The following DGKB variants were observed in gnomAD, a reference collection of about 807,000 sequenced individuals.
DGKB encodes diacylglycerol kinase beta.
A neutral mutation model predicts 114.3 loss-of-function variants in DGKB; 67 were observed. The observed-to-expected ratio is 0.59, with a 90% CI of 0.48 to 0.72. DGKB has a LOEUF of 0.72. Among genes scored for constraint, DGKB ranks in the 30% least tolerant of loss-of-function variants. DGKB has a pLI of 0.00. For missense variants in DGKB, 907 were observed against 975.2 expected (o/e 0.93, Z 0.93); for synonymous variants, 398 against 323.1 (o/e 1.23, Z -2.49).
At chr7:14,519,412 A>T (rs995073172) in intron 20 of DGKB, among the ~76,000 whole-genome samples, 5 of 152,088 alleles carry the variant, frequency 3.3e-5, no homozygotes, top group African/African-American at 1.2e-4. Context: ...ATGTTATAGC[A>T]CATAGCAATA....
intron 25 of DGKB, among the ~76,000 whole-genome samples, chr7:14,168,102 G>C (rs996061153): frequency 6.6e-6 from 1 of 152,080 alleles, no homozygotes; most frequent in Non-Finnish European, 1.5e-5. Flanking sequence ...AGCCTGAACT[G>C]AGAAATAGAA....
chr7:14,297,124 G>C (rs1253435226), intron 23 of DGKB, among the ~76,000 whole-genome samples: 1 of 152,028 alleles, frequency 6.6e-6, no homozygotes, highest in Non-Finnish European at 1.5e-5. Context: ...TTCTACCAGA[G>C]GTACAAAGAG....
chr7:14,811,728 T>TTA (rs1388408514), intron 2 of DGKB, among the ~76,000 whole-genome samples: 3 of 152,154 alleles, frequency 2.0e-5, no homozygotes, highest in African/African-American at 7.2e-5. Flanking sequence ...CACTAGAGTT[T>TTA]TAAAAATTGG....
intron 2 of DGKB, among the ~76,000 whole-genome samples, chr7:14,767,193 G>GA (rs1382060755): frequency 6.6e-6 from 1 of 151,182 alleles, no homozygotes; most frequent in Non-Finnish European, 1.5e-5. Context: ...AGTCGAGAGA[G>GA]AAAAAAATAA....
intron 19 of DGKB, among the ~76,000 whole-genome samples, chr7:14,578,238 T>C (rs1799449388): frequency 6.6e-6 from 1 of 152,170 alleles, no homozygotes; most frequent in Non-Finnish European, 1.5e-5. Context: ...CCCCAGCCAT[T>C]TGGAAGTGGG....
intron 1 of DGKB, among the ~76,000 whole-genome samples, 196 bp downstream of exon 1, chr7:14,902,396 C>T (rs368054282): frequency 5.3e-5 from 8 of 152,254 alleles, no homozygotes; most frequent in Non-Finnish European, 8.8e-5. Flanking sequence ...AAGCGGCATC[C>T]GCCTGCAAAT....
At chr7:14,297,458 T>G (rs1169665136) in intron 23 of DGKB, among the ~76,000 whole-genome samples, 1 of 152,096 alleles carries the variant, frequency 6.6e-6, no homozygotes, top group East Asian at 1.9e-4. Flanking sequence ...AAAAACCACA[T>G]GATTATCTCA....
intron 23 of DGKB, among the ~76,000 whole-genome samples, chr7:14,295,384 A>T (rs927097871): frequency 5.9e-5 from 9 of 152,138 alleles, no homozygotes; most frequent in Non-Finnish European, 7.4e-5. Context: ...AAGAATAAAC[A>T]TTGTTTCCTT....
At chr7:14,579,222 T>A (rs1799583535) in intron 19 of DGKB, among the ~76,000 whole-genome samples, 1 of 152,228 alleles carries the variant, frequency 6.6e-6, no homozygotes, top group Non-Finnish European at 1.5e-5. Context: ...CATTTGTTTA[T>A]TTCCTCACTG....
chr7:14,267,596 C>G (rs191584061), intron 23 of DGKB, among the ~76,000 whole-genome samples: 3 of 151,666 alleles, frequency 2.0e-5, no homozygotes, highest in Non-Finnish European at 2.9e-5. Flanking sequence ...TCATGACATT[C>G]TCCTGCCTCA....
chr7:14,608,188 A>G (rs765929543), intron 16 of DGKB, among the ~76,000 whole-genome samples: 1 of 152,080 alleles, frequency 6.6e-6, no homozygotes, highest in Non-Finnish European at 1.5e-5. Context: ...TAATTCTTAG[A>G]CAAATACTAA....
intron 17 of DGKB, among the ~76,000 whole-genome samples, chr7:14,598,047 G>A (rs2128757259): frequency 6.6e-6 from 1 of 152,174 alleles, no homozygotes; most frequent in Admixed American, 6.5e-5. Flanking sequence ...TCCCACAGAA[G>A]GAAATTATTG....
rs1038670799 is a variant in DGKB, at chr7:14,396,730, C to T, written c.1836-51339G>A. 3.2e-4 allele frequency among the ~76,000 whole-genome samples: 48 copies of T among 152,184 alleles called. 1 individual carries two copies. The highest frequency in any genetic ancestry group is 1.1e-3 in the African/African-American group (47 of 41,530). ...AAAGTGCTCTGGACACATTTCACAC[C>T]AGGGTGACAATATGCTTCAATCCAC... On this transcript the variant is annotated intron_variant, in intron 21 of 25. Coordinates refer to ENST00000402815, the MANE Select transcript of DGKB (RefSeq NM_001350709.2).
intron 2 of DGKB, among the ~76,000 whole-genome samples, chr7:14,772,527 T>G (rs1176379915): frequency 6.6e-6 from 1 of 152,192 alleles, no homozygotes. Context: ...CTAAACTTAA[T>G]TCTTATGAAT....
intron 20 of DGKB, among the ~76,000 whole-genome samples, chr7:14,573,961 G>T (rs1798753432): frequency 6.6e-6 from 1 of 151,926 alleles, no homozygotes; most frequent in Non-Finnish European, 1.5e-5. Context: ...CAATTACAAA[G>T]AATATAGTTT....
chr7:14,338,014 C>T (rs1454655311), intron 23 of DGKB, among the ~76,000 whole-genome samples: 2 of 152,024 alleles, frequency 1.3e-5, no homozygotes, highest in Non-Finnish European at 2.9e-5. Flanking sequence ...AAAAATTCAG[C>T]AGACAACCAA....
chr7:14,562,772 T>C (rs971396932), intron 20 of DGKB, among the ~76,000 whole-genome samples: 1 of 152,086 alleles, frequency 6.6e-6, no homozygotes, highest in African/African-American at 2.4e-5. Context: ...TACAGGCTCA[T>C]AGGCAGAAGG....
At position 14,262,688 on chromosome 7, in the gene DGKB, T is replaced by C. The variant is rs143234986; in HGVS notation, c.2122+75827A>G. 2.9e-3 allele frequency among the ~76,000 whole-genome samples: 442 copies of C among 152,268 alleles called. 2 individuals are homozygous for C. Among genetic ancestry groups the C allele is most frequent in the African/African-American group, 0.01 (422 of 41,564 alleles). ...CAGAGCCAGGCATCTTTCTCAGGGC[T>C]ATTGCAAAGGCCAGTCCAAGAGGAT... is the stretch of plus-strand genomic sequence containing the variant. On this transcript the variant is annotated intron_variant, in intron 23 of 25. Transcript: ENST00000402815.
At chr7:14,672,042 T>G (rs1185670407) in intron 13 of DGKB, among the ~76,000 whole-genome samples, 2 of 151,994 alleles carry the variant, frequency 1.3e-5, no homozygotes, top group Non-Finnish European at 2.9e-5. Flanking sequence ...TTTTAATAAT[T>G]TTGTGAAATA....
Sources: allele counts gnomAD v4.1 joint callset (sites outside exome capture counted in the v4.1 genomes callset), GRCh38; gene constraint gnomAD v4.1.1; transcripts MANE v1.5; gene names NCBI Gene and HGNC (gene_info 2026-07-23, HGNC 2026-07-21).